Variants in TMEM132C observed in about 807,000 individuals in gnomAD.
TMEM132C encodes the protein protein phosphatase 1, regulatory subunit 152.
TMEM132C carries 29 observed loss-of-function variants against 61.4 expected under a neutral mutation model. The observed-to-expected ratio is 0.47, with a 90% CI of 0.35 to 0.64. TMEM132C has a LOEUF of 0.64. TMEM132C is among the 30% of genes least tolerant of loss of function. The probability of loss-of-function intolerance (pLI) is 0.00; values close to 1 mark genes in which losing one functional copy is unlikely to be tolerated. For missense variants in TMEM132C, 1,408 were observed against 1,476.9 expected, an observed-to-expected ratio of 0.95 and a Z score of 0.76; for synonymous variants, 656 against 633.1, an observed-to-expected ratio of 1.04 and a Z score of -0.54.
intron 1 of TMEM132C, among the ~76,000 whole-genome samples, chr12:128,322,524 G>A (rs550720791): frequency 6.6e-6 from 1 of 152,234 alleles, no homozygotes; most frequent in African/African-American, 2.4e-5. Context: ...GAAATTCCCT[G>A]TTAGGAGGAT....
intron 1 of TMEM132C, among the ~76,000 whole-genome samples, chr12:128,339,967 A>G (rs770625435): frequency 1.3e-5 from 2 of 152,198 alleles, no homozygotes; most frequent in South Asian, 2.1e-4. Flanking sequence ...TTGGTCATCA[A>G]TGCAACTGTT....
intron 2 of TMEM132C, among the ~76,000 whole-genome samples, chr12:128,515,908 A>G (rs909599787): frequency 1.3e-5 from 2 of 152,188 alleles, no homozygotes; most frequent in African/African-American, 4.8e-5. Context: ...ATTAGAGGAT[A>G]ATGCAAGGGT....
chr12:128,408,896 A>C (rs1197138217), intron 1 of TMEM132C, among the ~76,000 whole-genome samples: 1 of 152,204 alleles, frequency 6.6e-6, no homozygotes, highest in African/African-American at 2.4e-5. Flanking sequence ...GAAAAGGATT[A>C]GGGTCCTTCC....
chr12:128,465,127 T>G (rs968653902), intron 2 of TMEM132C, among the ~76,000 whole-genome samples: 1 of 152,066 alleles, frequency 6.6e-6, no homozygotes, highest in Non-Finnish European at 1.5e-5. Flanking sequence ...TGTCCAAATG[T>G]CTCCTTCTTT....
intron 2 of TMEM132C, among the ~76,000 whole-genome samples, chr12:128,466,943 T>C (rs964010699): frequency 6.6e-6 from 1 of 152,164 alleles, no homozygotes; most frequent in Non-Finnish European, 1.5e-5. Context: ...TTCTTCATCC[T>C]GGTACCTGAT....
In TMEM132C at chr12:128,496,712, G is replaced by C. The variant is rs550135856; in HGVS notation, c.975-47245G>C. 5.3e-5 allele frequency among the ~76,000 whole-genome samples: 8 copies of C among 152,242 alleles called. No homozygotes were observed. The South Asian group carries it at 6.2e-4, about 12-fold the overall frequency. ...GTCATTTAAGGACTTCACTACACTG[G>C]TTATTCTAGTTAGCCATTCATCTAA... On this transcript the variant is annotated intron_variant, in intron 2 of 8. Transcript: ENST00000435159.
chr12:128,520,591 G>T (rs1872875302), intron 2 of TMEM132C, among the ~76,000 whole-genome samples: 1 of 152,200 alleles, frequency 6.6e-6, no homozygotes, highest in African/African-American at 2.4e-5. Context: ...ATCATTCTTT[G>T]TTGGAGGGGA....
At chr12:128,336,284 G>C (rs568590528) in intron 1 of TMEM132C, among the ~76,000 whole-genome samples, 3 of 152,100 alleles carry the variant, frequency 2.0e-5, no homozygotes, top group African/African-American at 4.8e-5. Context: ...AAATATGTGC[G>C]TATATAAAGA....
rs1339987330 is a variant in TMEM132C, at chr12:128,535,372, G to C, written c.975-8585G>C. Among the ~76,000 whole-genome samples the C allele has an allele frequency of 3.5e-5, 4 of 113,398 alleles. No homozygotes were observed. In the East Asian group the frequency reaches 8.1e-4, roughly 23 times the overall value. 74.4% of individuals were successfully genotyped at this position (113,398 alleles called of 152,430 possible). A position where few individuals can be genotyped will look rare whatever the true frequency, so the allele number is the denominator to read the frequency against. On this transcript the variant is annotated intron_variant, in intron 2 of 8. Transcript: ENST00000435159. ...AGGGCTAATATCCAGAATCTACAAA[G>C]AACTCAAACAAATTTACAAGAAAAA...
At chr12:128,577,648 T>A (rs1243086777) in intron 3 of TMEM132C, among the ~76,000 whole-genome samples, 1 of 152,250 alleles carries the variant, frequency 6.6e-6, no homozygotes, top group African/African-American at 2.4e-5. Flanking sequence ...CTGCTTTTAT[T>A]AACTCAGCTC....
intron 2 of TMEM132C, among the ~76,000 whole-genome samples, chr12:128,526,656 T>C (rs905390379): frequency 7.9e-5 from 12 of 151,854 alleles, no homozygotes; most frequent in Non-Finnish European, 1.8e-4. Context: ...TGGAGAAAAA[T>C]AAAGTCAAAT....
chr12:128,364,675 C>G (rs572820390), intron 1 of TMEM132C, among the ~76,000 whole-genome samples: 1 of 152,290 alleles, frequency 6.6e-6, no homozygotes, highest in South Asian at 2.1e-4. Context: ...GGAAGGAGGT[C>G]ACCTTCTGCC....
chr12:128,468,405 C>T (rs1298999955), intron 2 of TMEM132C, among the ~76,000 whole-genome samples: 4 of 152,072 alleles, frequency 2.6e-5, no homozygotes, highest in Admixed American at 6.5e-5. Flanking sequence ...ACAACCTCTG[C>T]CTTCCGGGTT....
chr12:128,394,925 T>A (rs1874892254), intron 1 of TMEM132C, among the ~76,000 whole-genome samples: 1 of 120,556 alleles, frequency 8.3e-6, no homozygotes, highest in Non-Finnish European at 1.8e-5. Context: ...AAAAAAAATC[T>A]AGTAAAGCTA....
At chr12:128,359,560 A>G (rs556011136) in intron 1 of TMEM132C, among the ~76,000 whole-genome samples, 1 of 152,266 alleles carries the variant, frequency 6.6e-6, no homozygotes, top group Admixed American at 6.5e-5. Context: ...GTTATTTGGT[A>G]TTTGCTATAG....
At chr12:128,488,475 A>G (rs903549024) in intron 2 of TMEM132C, among the ~76,000 whole-genome samples, 1 of 152,184 alleles carries the variant, frequency 6.6e-6, no homozygotes, top group Non-Finnish European at 1.5e-5. Flanking sequence ...AGCCTGGTCA[A>G]CATGGTGAAA....
At chr12:128,648,129 T>C (rs866601074) in intron 4 of TMEM132C, among the ~76,000 whole-genome samples, 15 of 138,614 alleles carry the variant, frequency 1.1e-4, no homozygotes, top group African/African-American at 2.7e-4. Flanking sequence ...TGGAGTCCAT[T>C]AGCGTTGGAT....
chr12:128,596,520 A>G (rs1269342882), intron 3 of TMEM132C, among the ~76,000 whole-genome samples: 2 of 148,204 alleles, frequency 1.3e-5, no homozygotes, highest in African/African-American at 5.1e-5. Flanking sequence ...GTCCTGGTAC[A>G]GAGGCGGCAG....
chr12:128,455,637 CAT>C (rs375332979), intron 2 of TMEM132C, among the ~76,000 whole-genome samples: 10 of 152,158 alleles, frequency 6.6e-5, no homozygotes, highest in Non-Finnish European at 1.0e-4. Flanking sequence ...TGAATAGAAA[CAT>C]ATTATAATAG....
Sources: allele counts gnomAD v4.1 joint callset (sites outside exome capture counted in the v4.1 genomes callset), GRCh38; gene constraint gnomAD v4.1.1; transcripts MANE v1.5; gene names NCBI Gene and HGNC (gene_info 2026-07-23, HGNC 2026-07-21).